The following CLVS1 variants were observed in gnomAD, a reference collection of about 807,000 sequenced individuals.
CLVS1 encodes clavesin 1.
In CLVS1, 10 loss-of-function variants were observed where a neutral mutation model predicts 33.1. The ratio of observed to expected loss-of-function variants is 0.30; its 90% CI spans 0.19 to 0.51. The LOEUF is 0.51. Ranked by LOEUF, CLVS1 falls within the 20% of genes least tolerant of loss-of-function variation. CLVS1 has a pLI of 0.97. For missense variants in CLVS1, 343 were observed against 433.4 expected (o/e 0.79, Z 1.85); for synonymous variants, 163 against 166.1 (o/e 0.98, Z 0.14).
At chr8:61,358,221 C>T (rs966402248) in intron 2 of CLVS1, among the ~76,000 whole-genome samples, 1 of 152,204 alleles carries the variant, frequency 6.6e-6, no homozygotes, top group African/African-American at 2.4e-5. Context: ...AAAGTACTGA[C>T]TTCTTTAAAT....
intron 2 of CLVS1, among the ~76,000 whole-genome samples, chr8:61,182,079 G>A (rs1218978445): frequency 2.0e-5 from 3 of 152,154 alleles, no homozygotes; most frequent in East Asian, 3.9e-4. Flanking sequence ...AATGCTGGGG[G>A]AAATGATTCC....
At chr8:61,273,748 G>A (rs184677174) in intron 2 of CLVS1, among the ~76,000 whole-genome samples, 114 of 152,332 alleles carry the variant, frequency 7.5e-4, no homozygotes, top group African/African-American at 2.7e-3. Context: ...GGAGTGACCC[G>A]ATTTTCCAGG....
chr8:60,980,834 A>T, the CLVS1 span, among the ~76,000 whole-genome samples: 1 of 152,168 alleles, frequency 6.6e-6, no homozygotes, highest in Non-Finnish European at 1.5e-5. Context: ...TAAATTAAGG[A>T]CCTTGAGATG....
intron 2 of CLVS1, among the ~76,000 whole-genome samples, chr8:61,257,911 A>G (rs1459993659): frequency 6.6e-6 from 1 of 152,180 alleles, no homozygotes; most frequent in East Asian, 1.9e-4. Flanking sequence ...GCTAGTTTAC[A>G]AAATATGTAT....
At chr8:60,997,497 A>G in the CLVS1 span, among the ~76,000 whole-genome samples, 1 of 152,244 alleles carries the variant, frequency 6.6e-6, no homozygotes, top group South Asian at 2.1e-4. Flanking sequence ...GATACAAATC[A>G]TATATATACA....
intron 2 of CLVS1, chr8:61,273,983 A>C (rs2129592863): frequency 6.3e-6 from 1 of 157,836 alleles, no homozygotes; most frequent in Non-Finnish European, 1.4e-5. Context: ...TGTAGACCGG[A>C]GCTGTTCCTA....
At chr8:61,430,640 A>G (rs886143039) in intron 3 of CLVS1, among the ~76,000 whole-genome samples, 1 of 152,226 alleles carries the variant, frequency 6.6e-6, no homozygotes, top group African/African-American at 2.4e-5. Flanking sequence ...GGTTCCAGTG[A>G]TTTACAAGCT....
chr8:61,377,520 A>C (rs1349772765), intron 3 of CLVS1: 1 of 152,248 alleles, frequency 6.6e-6, no homozygotes, highest in African/African-American at 2.4e-5. Flanking sequence ...TTTCATAGGC[A>C]GATTAACTCT....
chr8:61,270,358 T>A (rs901553108), intron 2 of CLVS1, among the ~76,000 whole-genome samples: 1 of 152,266 alleles, frequency 6.6e-6, no homozygotes, highest in Non-Finnish European at 1.5e-5. Flanking sequence ...ATCCAAGGGA[T>A]GAAGCCCACT....
At chr8:61,194,064 G>T (rs145457292) in intron 2 of CLVS1, among the ~76,000 whole-genome samples, 1 of 62,310 alleles carries the variant, frequency 1.6e-5, no homozygotes, top group Non-Finnish European at 4.7e-5. Flanking sequence ...AGAGAAAGAG[G>T]GTATTCATTT....
the CLVS1 span, among the ~76,000 whole-genome samples, chr8:60,978,746 T>C: frequency 1.6e-5 from 2 of 121,528 alleles, no homozygotes; most frequent in African/African-American, 3.2e-5. Context: ...ACACGGGAGG[T>C]GGAGGTTGCA....
the CLVS1 span, among the ~76,000 whole-genome samples, chr8:61,025,129 G>A: frequency 6.6e-6 from 1 of 152,192 alleles, no homozygotes; most frequent in African/African-American, 2.4e-5. Context: ...TTACAGGCAT[G>A]AGCCACCATG....
At position 61,376,830 on chromosome 8, in the gene CLVS1, T is replaced by A. The variant is rs530085132; in HGVS notation, c.630+51T>A. The A allele has an allele frequency of 1.1e-4, 158 of 1,477,526 alleles. 2 individuals carry two copies. In the South Asian group the frequency reaches 1.8e-3, roughly 17 times the overall value. The allele number at this position is 1,477,526 out of a possible 1,614,324, so 91.5% of individuals were successfully genotyped here. A position where few individuals can be genotyped will look rare whatever the true frequency, so the allele number is the denominator to read the frequency against. ...AGACCATGTGTGGCAACATACTTTT[T>A]AAAAAATTATCGCAACCAAAGTAAT... On this transcript the variant is annotated intron_variant, in intron 3 of 5. Transcript: ENST00000325897.
chr8:60,978,854 G>T, the CLVS1 span, among the ~76,000 whole-genome samples: 1 of 147,186 alleles, frequency 6.8e-6, no homozygotes, highest in African/African-American at 2.5e-5. Flanking sequence ...AAAAAATACA[G>T]GGAAAGAAAG....
intron 2 of CLVS1, among the ~76,000 whole-genome samples, chr8:61,253,187 T>C (rs895256801): frequency 1.1e-4 from 16 of 152,182 alleles, no homozygotes; most frequent in African/African-American, 3.9e-4. Flanking sequence ...TGAAGCTTAG[T>C]TTGGCTGGAT....
chr8:60,969,495 T>C, the CLVS1 span, among the ~76,000 whole-genome samples: 1 of 152,182 alleles, frequency 6.6e-6, no homozygotes, highest in Admixed American at 6.5e-5. Context: ...ATATTAATGC[T>C]TGTCAGTGGT....
At chr8:61,241,168 G>C (rs930891916) in intron 2 of CLVS1, among the ~76,000 whole-genome samples, 3 of 151,954 alleles carry the variant, frequency 2.0e-5, no homozygotes, top group African/African-American at 7.3e-5. Context: ...GCATTTTGGA[G>C]GTATACAAAC....
intron 2 of CLVS1, chr8:61,202,376 T>C: frequency 1.3e-6 from 1 of 751,050 alleles, no homozygotes; most frequent in Admixed American, 1.8e-5. Flanking sequence ...GACGTGGACA[T>C]GAGCTCCCTG....
the CLVS1 span, chr8:60,966,491 T>C: frequency 2.3e-6 from 1 of 426,328 alleles, no homozygotes; most frequent in Non-Finnish European, 4.7e-6. Context: ...CCAAATTATA[T>C]ATTTGCATAT....
Sources: gnomAD v4.1 joint callset for allele counts (sites outside exome capture counted in the v4.1 genomes callset) on GRCh38, gnomAD v4.1.1 for gene constraint, MANE v1.5 for transcripts, NCBI Gene and HGNC (gene_info 2026-07-23, HGNC 2026-07-21) for gene names.